The following RAB38 variants were observed in gnomAD, a reference collection of about 807,000 sequenced individuals.
RAB38 encodes the protein ras-related protein Rab-38.
A neutral mutation model predicts 18.4 loss-of-function variants in RAB38; 15 were observed. That is an observed-to-expected ratio of 0.82 (90% confidence interval 0.55 to 1.26). The LOEUF is 1.26. Ranked by LOEUF, RAB38 falls within the 50% of genes most tolerant of loss-of-function variation. The pLI, the probability that RAB38 is intolerant of heterozygous loss-of-function variation, is 0.00. For synonymous variants in RAB38, 101 were observed against 104.4 expected (o/e 0.97, Z 0.20); for missense variants, 294 against 267.4 (o/e 1.10, Z -0.69).
chr11:88,108,925 G>T (rs144710258), downstream of RAB38, among the ~76,000 whole-genome samples: 751 of 152,246 alleles, frequency 4.9e-3, 4 homozygotes, highest in African/African-American at 0.016. Context: ...TGAAATTCTG[G>T]TTTGAAAATT....
chr11:87,948,702 T>C, the RAB38 span, among the ~76,000 whole-genome samples: 1 of 145,144 alleles, frequency 6.9e-6, no homozygotes, highest in Non-Finnish European at 1.5e-5. Context: ...TTTATTGATT[T>C]GCGTATATTG....
At chr11:88,120,235 A>G (rs1457493154) in intron 2 of RAB38, among the ~76,000 whole-genome samples, 1 of 152,216 alleles carries the variant, frequency 6.6e-6, no homozygotes, top group East Asian at 1.9e-4. Context: ...CCTTTAACAG[A>G]TGACAAAAGT....
chr11:87,946,100 T>C, the RAB38 span, among the ~76,000 whole-genome samples: 1 of 152,152 alleles, frequency 6.6e-6, no homozygotes, highest in Non-Finnish European at 1.5e-5. Flanking sequence ...CAATCTCAGT[T>C]CAATAGTAGG....
the RAB38 span, among the ~76,000 whole-genome samples, chr11:87,809,871 T>C: frequency 6.6e-6 from 1 of 152,180 alleles, no homozygotes; most frequent in Admixed American, 6.5e-5. Flanking sequence ...CTATTCTTTA[T>C]AACCTAGAAA....
At chr11:87,829,673 C>A in the RAB38 span, among the ~76,000 whole-genome samples, 1 of 152,114 alleles carries the variant, frequency 6.6e-6, no homozygotes, top group Non-Finnish European at 1.5e-5. Flanking sequence ...ACAGGCTTAA[C>A]TGTATCGCCT....
chr11:87,850,319 A>G, the RAB38 span, among the ~76,000 whole-genome samples: 3 of 152,130 alleles, frequency 2.0e-5, no homozygotes, highest in Non-Finnish European at 2.9e-5. Context: ...TTTAACATAC[A>G]CACATATGTA....
At chr11:88,089,153 A>T in the RAB38 span, among the ~76,000 whole-genome samples, 1 of 144,440 alleles carries the variant, frequency 6.9e-6, no homozygotes, top group Non-Finnish European at 1.5e-5. Context: ...GGCAGATTGA[A>T]TAAGGGGCAG....
chr11:87,845,258 A>G, the RAB38 span, among the ~76,000 whole-genome samples: 1,263 of 152,318 alleles, frequency 8.3e-3, 7 homozygotes, highest in Non-Finnish European at 0.012. Flanking sequence ...GATGACACAG[A>G]TGGAATAGGT....
intron 2 of RAB38, among the ~76,000 whole-genome samples, chr11:88,133,807 C>A (rs189293847): frequency 6.6e-6 from 1 of 152,142 alleles, no homozygotes; most frequent in African/African-American, 2.4e-5. Flanking sequence ...AAAAGTCAGG[C>A]TACTCAAAAG....
chr11:88,127,679 CA>C (rs1942716611), intron 2 of RAB38, among the ~76,000 whole-genome samples: 1 of 152,090 alleles, frequency 6.6e-6, no homozygotes. Flanking sequence ...ATGATTTTAA[CA>C]GAGTAGATGA....
At chr11:88,034,397 G>T in the RAB38 span, among the ~76,000 whole-genome samples, 1 of 152,196 alleles carries the variant, frequency 6.6e-6, no homozygotes, top group Non-Finnish European at 1.5e-5. Flanking sequence ...GTTTACAGTG[G>T]TTGTATGTTT....
the RAB38 span, among the ~76,000 whole-genome samples, chr11:88,064,210 A>G: frequency 7.3e-3 from 1,110 of 152,326 alleles, 15 homozygotes; most frequent in African/African-American, 0.025. Context: ...GGTATGAGAG[A>G]GAGTATAATA....
the RAB38 span, among the ~76,000 whole-genome samples, chr11:87,860,998 G>A: frequency 1.3e-5 from 2 of 151,870 alleles, no homozygotes; most frequent in Admixed American, 6.6e-5. Context: ...CAAATTTATG[G>A]TGAAACTTTG....
the RAB38 span, among the ~76,000 whole-genome samples, chr11:88,028,897 C>T: frequency 3.9e-5 from 6 of 152,058 alleles, no homozygotes; most frequent in Non-Finnish European, 7.4e-5. Flanking sequence ...AGATACTCCT[C>T]GAGAAGAGCA....
the RAB38 span, among the ~76,000 whole-genome samples, chr11:88,067,280 A>T: frequency 6.6e-6 from 1 of 152,104 alleles, no homozygotes; most frequent in Non-Finnish European, 1.5e-5. Flanking sequence ...GCATTACACA[A>T]CAAGTTTACG....
chr11:87,950,289 G>T, the RAB38 span, among the ~76,000 whole-genome samples: 3 of 152,060 alleles, frequency 2.0e-5, no homozygotes, highest in African/African-American at 7.2e-5. Flanking sequence ...GTCTCTGCAC[G>T]TGAGATGGGT....
At chr11:88,165,349 T>C (rs775764844) in intron 1 of RAB38, among the ~76,000 whole-genome samples, 4 of 152,138 alleles carry the variant, frequency 2.6e-5, no homozygotes, top group Non-Finnish European at 5.9e-5. Flanking sequence ...TTTTCTGGCC[T>C]GTTTATAGTT....
intron 2 of RAB38, among the ~76,000 whole-genome samples, chr11:88,142,783 A>T (rs1942932413): frequency 1.3e-5 from 2 of 152,252 alleles, no homozygotes; most frequent in Admixed American, 1.3e-4. Context: ...AAAAGCAGAA[A>T]GATGAGAAAA....
the RAB38 span, among the ~76,000 whole-genome samples, chr11:88,064,150 C>G: frequency 6.6e-6 from 1 of 152,104 alleles, no homozygotes. Context: ...CAATGAGTCA[C>G]TATATGGGAG....
Sources: gnomAD v4.1 joint callset for allele counts (sites outside exome capture counted in the v4.1 genomes callset) on GRCh38, gnomAD v4.1.1 for gene constraint, MANE v1.5 for transcripts, NCBI Gene and HGNC (gene_info 2026-07-23, HGNC 2026-07-21) for gene names.